Variants in PHTF2 observed in about 807,000 individuals in gnomAD.
The protein encoded by PHTF2 is putative homeodomain transcription factor 2.
A neutral mutation model predicts 101.2 loss-of-function variants in PHTF2; 60 were observed. That is an observed-to-expected ratio of 0.59 (90% CI 0.48 to 0.73). PHTF2 has a LOEUF of 0.73. PHTF2 is among the 30% of genes least tolerant of loss of function. The pLI, the probability that PHTF2 is intolerant of heterozygous loss-of-function variation, is 0.00. For synonymous variants in PHTF2, 311 were observed against 307.3 expected (o/e 1.01, Z -0.13); for missense variants, 747 against 908.7 (o/e 0.82, Z 2.29).
intron 3 of PHTF2, among the ~76,000 whole-genome samples, chr7:77,871,290 C>G (rs1798497879): frequency 6.6e-6 from 1 of 152,170 alleles, no homozygotes. Context: ...CATGAATACT[C>G]TTCCTTACCT....
At chr7:77,831,356 T>C (rs1243742418) in intron 1 of PHTF2, among the ~76,000 whole-genome samples, 2 of 152,250 alleles carry the variant, frequency 1.3e-5, no homozygotes, top group Non-Finnish European at 2.9e-5. Flanking sequence ...CCGTTTACTA[T>C]TGGTGAAGAG....
intron 3 of PHTF2, among the ~76,000 whole-genome samples, chr7:77,883,836 A>G (rs1799600762): frequency 6.6e-6 from 1 of 152,240 alleles, no homozygotes; most frequent in South Asian, 2.1e-4. Flanking sequence ...AAATATTGTC[A>G]TAATTAAATA....
At chr7:77,940,387 T>A in intron 14 of PHTF2, 85 bp downstream of exon 13, 1 of 1,317,560 alleles carries the variant, frequency 7.6e-7, no homozygotes, top group Non-Finnish European at 1.0e-6. Flanking sequence ...TATTATTTCA[T>A]TATATCATTT....
chr7:77,887,423 G>GT (rs766933459), intron 3 of PHTF2, among the ~76,000 whole-genome samples: 328 of 146,604 alleles, frequency 2.2e-3, no homozygotes, highest in African/African-American at 7.9e-3. Flanking sequence ...AATTATTGTT[G>GT]TTGTTTTTTT....
intron 12 of PHTF2, among the ~76,000 whole-genome samples, chr7:77,931,885 A>G (rs1039915659): frequency 6.6e-6 from 1 of 152,206 alleles, no homozygotes. Flanking sequence ...TTTGAATATA[A>G]TTTTGAATGA....
intron 13 of PHTF2, among the ~76,000 whole-genome samples, chr7:77,939,039 C>G (rs1330848750): frequency 1.3e-5 from 2 of 152,008 alleles, no homozygotes; most frequent in African/African-American, 4.8e-5. Flanking sequence ...ACTTAATTAC[C>G]TGTGAATTGG....
chr7:77,868,351 GCAGAA>G (rs1168978716), intron 3 of PHTF2, among the ~76,000 whole-genome samples: 1 of 20,122 alleles, frequency 5.0e-5, no homozygotes, highest in African/African-American at 1.7e-4. Flanking sequence ...TTTTTTTTTT[GCAGAA>G]CAGAGTCTTG....
chr7:77,799,001 T>G (rs1208890544), intron 1 of PHTF2, 30 bp downstream of exon 1: 1 of 151,580 alleles, frequency 6.6e-6, no homozygotes, highest in Non-Finnish European at 1.5e-5. Context: ...CGCGCTCGGG[T>G]GGGCAGTGTG....
At chr7:77,938,791 T>A (rs191179282) in intron 13 of PHTF2, among the ~76,000 whole-genome samples, 82 of 152,210 alleles carry the variant, frequency 5.4e-4, no homozygotes, top group African/African-American at 1.9e-3. Context: ...AATAAATAAA[T>A]AAAAATAAAA....
chr7:77,942,564 G>T, intron 15 of PHTF2, 136 bp from the exon 15 acceptor site: 1 of 458,520 alleles, frequency 2.2e-6, no homozygotes, highest in South Asian at 5.3e-5. Context: ...AACAAATTAG[G>T]TATATTCAAC....
chr7:77,890,755 G>A (rs1436707556), intron 3 of PHTF2, among the ~76,000 whole-genome samples: 2 of 151,610 alleles, frequency 1.3e-5, no homozygotes, highest in South Asian at 2.1e-4. Flanking sequence ...ACAGATGCCC[G>A]CCACCACACC....
At chr7:77,869,319 TA>T (rs1798332615) in intron 3 of PHTF2, among the ~76,000 whole-genome samples, 1 of 152,190 alleles carries the variant, frequency 6.6e-6, no homozygotes, top group Non-Finnish European at 1.5e-5. Flanking sequence ...TTGAAATATA[TA>T]ATAAATTATT....
exon 19 of PHTF2, chr7:77,953,843 C>A: frequency 1.2e-6 from 2 of 1,612,346 alleles, no homozygotes; most frequent in African/African-American, 1.3e-5. Context: ...AGGTTGTTAT[C>A]CTGTCAGCTG....
chr7:77,808,513 G>A (rs1793165156), intron 1 of PHTF2, among the ~76,000 whole-genome samples: 1 of 152,122 alleles, frequency 6.6e-6, no homozygotes, highest in Non-Finnish European at 1.5e-5. Flanking sequence ...ATTTTATGTT[G>A]TTTGAAGCTG....
At chr7:77,914,193 C>A (rs1363471017) in intron 9 of PHTF2, among the ~76,000 whole-genome samples, 2 of 151,698 alleles carry the variant, frequency 1.3e-5, no homozygotes, top group African/African-American at 4.8e-5. Context: ...CACATATAAA[C>A]CCACTGAAAT....
exon 9 of PHTF2, chr7:77,910,263 C>T (rs760755869): frequency 2.5e-6 from 4 of 1,610,808 alleles, no homozygotes; most frequent in East Asian, 4.5e-5. Context: ...GAAAAGCAGC[C>T]CATTTGGAAG....
intron 12 of PHTF2, among the ~76,000 whole-genome samples, chr7:77,932,236 G>A (rs1287937757): frequency 6.6e-6 from 1 of 152,162 alleles, no homozygotes; most frequent in African/African-American, 2.4e-5. Flanking sequence ...ATATATACAG[G>A]AGAAAACAGG....
chr7:77,954,782 A>G, intron 19 of PHTF2, 76 bp from the exon 19 acceptor site: 1 of 771,292 alleles, frequency 1.3e-6, no homozygotes, highest in Non-Finnish European at 2.2e-6. Flanking sequence ...TTGAATTTAA[A>G]AATGGTGTTA....
intron 3 of PHTF2, among the ~76,000 whole-genome samples, chr7:77,879,881 A>G (rs1799265443): frequency 6.6e-6 from 1 of 152,222 alleles, no homozygotes; most frequent in Admixed American, 6.5e-5. Context: ...TGAGAAATGT[A>G]TACAAAAGCA....
Sources: gnomAD v4.1 joint callset for allele counts (sites outside exome capture counted in the v4.1 genomes callset) on GRCh38, gnomAD v4.1.1 for gene constraint, MANE v1.5 for transcripts, NCBI Gene and HGNC (gene_info 2026-07-23, HGNC 2026-07-21) for gene names.